SON: variants seen among roughly 807,000 people sequenced by gnomAD.
SON encodes the protein protein SON.
Under a neutral mutation model 173.3 loss-of-function variants are expected in SON, and 4 were observed. That is an observed-to-expected ratio of 0.02 (90% CI 0.01 to 0.05). SON has a LOEUF of 0.05. Among genes scored for constraint, SON ranks in the 10% least tolerant of loss-of-function variants. The pLI is 1.00. For synonymous variants in SON, 1,190 were observed against 1,105.9 expected, an observed-to-expected ratio of 1.08 and a Z score of -1.51; for missense variants, 2,626 against 3,055.3, an observed-to-expected ratio of 0.86 and a Z score of 3.31.
At chr21:33,560,109 A>G (rs199834480) in intron 6 of SON, 5 of 1,612,986 alleles carry the variant, frequency 3.1e-6, no homozygotes, top group East Asian at 2.2e-5. Flanking sequence ...TCAAGGCTCT[A>G]TAGCTCTAGA....
At position 33,568,955 on chromosome 21, in the gene SON, T is replaced by C; in HGVS notation, c.6769-16T>C. ...GTAATTTTACTTAGTTAACTGAGAC[T>C]ACTTCTTTTCTTCAGATTGATGCCT... On this transcript the variant is annotated splice_polypyrimidine_tract_variant and intron_variant, in intron 7 of 11. Transcript: ENST00000356577. 2 of 1,504,028 alleles carry C rather than the reference T, an allele frequency of 1.3e-6. No homozygotes were observed. Among genetic ancestry groups the C allele is most frequent in the East Asian group, 2.3e-5 (1 of 44,404 alleles). 93.2% of individuals were successfully genotyped at this position (1,504,028 alleles called of 1,614,324 possible).
At position 33,543,074 on chromosome 21, in the gene SON, A is replaced by G. The variant is rs573619169; in HGVS notation, c.-19A>G. On this transcript the variant is annotated 5_prime_UTR_variant, in exon 1 of 12. Transcript: ENST00000356577. The stretch of plus-strand genomic sequence containing the variant: ...CTGGAGGACTAGCGAGGAGGAGTTG[A>G]GAGAACGGAGCGGACGCCATGGCGA... The G allele has an allele frequency of 6.2e-6, 10 of 1,613,436 alleles. No homozygotes were observed. The African/African-American group carries it at 9.3e-5, about 15-fold the overall frequency.
chr21:33,576,102 A>G (rs2086394158), intron 11 of SON, among the ~76,000 whole-genome samples: 1 of 152,152 alleles, frequency 6.6e-6, no homozygotes, highest in Non-Finnish European at 1.5e-5. Context: ...AGGGTAAAAT[A>G]TAGTATACAA....
rs935582945 is a variant in SON at position 33,551,315 on chromosome 21, T to C, written c.2084T>C (p.Leu695Ser). 7.4e-6 allele frequency: 12 copies of C among 1,614,068 alleles called. No homozygotes were observed. The highest frequency in any genetic ancestry group is 1.0e-5 in the Non-Finnish European group (12 of 1,179,974). Residue 695 changes from leucine (L) to serine (S), a missense_variant, in exon 3 of 12, where the codon TTA becomes TCA. Transcript: ENST00000356577. The part of the protein sequence containing the change: ...NTVAQELPTT[L>S]VGETSVTVGV... The stretch of plus-strand genomic sequence containing the variant: ...GTAGCACAGGAGCTGCCTACTACAT[T>C]AGTGGGGGAGACTTCTGTAACAGTA...
rs1417714761 is a variant in SON, at chr21:33,576,609, T to A, written c.*185T>A. On this transcript the variant is annotated 3_prime_UTR_variant, in exon 12 of 12. Transcript: ENST00000356577. ...TTTTATAATAATCATTTCAGAATTT[T>A]ACTCTGCATCACAATGTATTTCCTC... 7.1e-6 allele frequency: 5 copies of A among 703,538 alleles called. No individual in the cohort carries two copies. Among genetic ancestry groups the A allele is most frequent in the Admixed American group, 2.0e-5 (1 of 49,680 alleles). The allele number at this position is 703,538 out of a possible 1,614,324, so 43.6% of individuals were successfully genotyped here.
chr21:33,555,718 G>A (rs572338877), intron 3 of SON, among the ~76,000 whole-genome samples: 8 of 152,302 alleles, frequency 5.3e-5, no homozygotes, highest in East Asian at 1.9e-4. Flanking sequence ...AACAAGCTAA[G>A]TATATGCTCA....
rs780734240 is a variant in SON, at chr21:33,552,834, A to G, written c.3603A>G (p.Ser1201=). The G allele has an allele frequency of 1.1e-5, 18 of 1,613,408 alleles. No homozygotes were observed. The highest frequency in any genetic ancestry group is 5.0e-5 in the Admixed American group (3 of 59,956). The part of the protein sequence containing the change: ...AENTWPTEVP[S]SPSEESVSQP... ...ATACTTGGCCTACAGAGGTGCCATC[A>G]TCACCATCTGAAGAGTCTGTATCGC... The change falls in exon 3 of 12, where the codon TCA becomes TCG. Residue 1201 remains serine (S), a synonymous_variant. Transcript: ENST00000356577. This position sits in a 1 kb window ranked among gnomAD's most constrained non-coding sequence, Gnocchi z 5.6.
At chr21:33,560,421 A>C (rs185191238) in intron 6 of SON, 13 of 1,098,782 alleles carry the variant, frequency 1.2e-5, no homozygotes, top group Non-Finnish European at 3.3e-6. Context: ...TACTATTAAA[A>C]GTCGGAGAAG....
At chr21:33,558,480 A>G (rs2086008750) in intron 4 of SON, 1 of 152,192 alleles carries the variant, frequency 6.6e-6, no homozygotes, top group African/African-American at 2.4e-5. Context: ...AAAGCTTCTG[A>G]ATCTGTTTCC....
chr21:33,575,565 A>C, intron 9 of SON, 31 bp from the exon 10 acceptor site: 3 of 1,563,408 alleles, frequency 1.9e-6, no homozygotes, highest in Non-Finnish European at 2.6e-6. Flanking sequence ...GGTGCTTTGA[A>C]ATTTATTTAG....
Position 33,554,849 on chromosome 21 carries a change from G to A in SON, c.5618G>A (p.Ser1873Asn), listed in dbSNP as rs2085924297. The change falls in exon 3 of 12, where the codon AGC becomes AAC. Residue 1873 changes from serine to asparagine, a missense_variant. Ser to Asn is a conservative substitution (Grantham distance 46). This residue lies in a region of SON where 1,006 missense variants were observed against 895.6 expected (regional missense o/e 1.12). Transcript: ENST00000356577. ...SRSRSRRRRR[S>N]SRSRSKSRGR... Reference sequence around the variant, plus strand: ...TCACGTTCAAGACGCAGGAGGAGAAGCAGCAGATCAAGATCAAAGTCTAGA... The same window carrying A: ...TCACGTTCAAGACGCAGGAGGAGAAACAGCAGATCAAGATCAAAGTCTAGA... 3.1e-6 allele frequency: 5 copies of A among 1,614,028 alleles called. No homozygotes were observed. In the South Asian group the frequency reaches 3.3e-5, roughly 11 times the overall value.
In SON at chr21:33,553,573, T is replaced by C. The variant is rs370367458; in HGVS notation, c.4342T>C (p.Ser1448Pro). Residue 1448 changes from serine (S) to proline (P), a missense_variant, in exon 3 of 12, where the codon TCA becomes CCA. Ser to Pro is a moderately conservative substitution (Grantham distance 74). Around this residue, in one of 13 missense-constraint regions of SON, gnomAD observed 1,006 missense variants for 895.6 expected, o/e 1.12. Coordinates refer to ENST00000356577, the MANE Select transcript of SON (RefSeq NM_138927.4). ...VSVQESTVTV[S>P]EPAVTVSEQT... ...TGTCCAGGAATCGACTGTGACAGTTTCAGAGCCTGCTGTCACAGTCTCAGA... is the reference window on the plus strand; with the variant it reads ...TGTCCAGGAATCGACTGTGACAGTTCCAGAGCCTGCTGTCACAGTCTCAGA... 6.2e-6 allele frequency: 10 copies of C among 1,614,086 alleles called. No individual in the cohort carries two copies. The South Asian group carries it at 1.1e-4, about 18-fold the overall frequency.
chr21:33,544,663 G>A (rs1291195846), intron 1 of SON, among the ~76,000 whole-genome samples: 1 of 152,130 alleles, frequency 6.6e-6, no homozygotes. Context: ...CTTCTTCATG[G>A]CTGCATAGAA....
In SON at chr21:33,543,727, A is replaced by G. The variant is rs566928049; in HGVS notation, c.77+558A>G. 4.6e-5 allele frequency among the ~76,000 whole-genome samples: 7 copies of G among 152,370 alleles called. No individual in the cohort carries two copies. In the East Asian group the frequency reaches 1.3e-3, roughly 29 times the overall value. ...ATCTGTCAGCCGTTCTGATAGTTAA[A>G]TGTTTCAATTAAAACGAACTCAAAC... On this transcript the variant is annotated intron_variant, in intron 1 of 11. Coordinates refer to ENST00000356577, the MANE Select transcript of SON (RefSeq NM_138927.4).
chr21:33,559,921 AC>A lies in SON; in HGVS notation c.6657+149del. ...GCCGGGTTAGACGACAGATGAAACA[AC>A]CCGCAGCTTCTCATTTGACAGTAAC... On this transcript the variant is annotated intron_variant, in intron 6 of 11. Transcript: ENST00000356577. The surrounding 1 kb of genome is among the most constrained non-coding windows in gnomAD (Gnocchi z 4.1). 3 of 1,612,874 alleles carry A rather than the reference AC, an allele frequency of 1.9e-6. No homozygotes were observed. The highest frequency in any genetic ancestry group is 2.5e-6 in the Non-Finnish European group (3 of 1,179,030).
At chr21:33,558,037 C>T (rs985918358) in intron 4 of SON, 2 of 163,986 alleles carry the variant, frequency 1.2e-5, no homozygotes, top group African/African-American at 4.8e-5. Context: ...CACACTGTTT[C>T]ATATATTGGA....
At position 33,576,604 on chromosome 21, in the gene SON, A is replaced by C. The variant is rs773447937; in HGVS notation, c.*180A>C. The C allele has an allele frequency of 2.8e-6, 2 of 706,394 alleles. No homozygotes were observed. Among genetic ancestry groups the C allele is most frequent in the South Asian group, 1.5e-5 (1 of 68,244 alleles). The allele number at this position is 706,394 out of a possible 1,614,324, so 43.8% of individuals were successfully genotyped here. A position where few individuals can be genotyped will look rare whatever the true frequency, so the allele number is the denominator to read the frequency against. ...TGAGGTTTTATAATAATCATTTCAG[A>C]ATTTTACTCTGCATCACAATGTATT... On this transcript the variant is annotated 3_prime_UTR_variant, in exon 12 of 12. Coordinates refer to ENST00000356577, the MANE Select transcript of SON (RefSeq NM_138927.4).
intron 8 of SON, among the ~76,000 whole-genome samples, chr21:33,572,847 C>T (rs1342902127): frequency 6.8e-6 from 1 of 148,034 alleles, no homozygotes; most frequent in Non-Finnish European, 1.5e-5. Context: ...GGGAAGAAAA[C>T]TTTGGATGAC....
chr21:33,547,433 TGAAGGATTTAGCCACAAAAATAA>T (rs2085645198), intron 2 of SON, among the ~76,000 whole-genome samples: 1 of 152,160 alleles, frequency 6.6e-6, no homozygotes, highest in Admixed American at 6.5e-5. Flanking sequence ...TGTTTAGAAA[TGAAGGATTTAGCCACAAAAATAA>T]CAGTCATTAC....
Sources: gnomAD v4.1 joint callset for allele counts (sites outside exome capture counted in the v4.1 genomes callset) on GRCh38, gnomAD v4.1.1 for gene constraint, gnomAD v4.1.1 regional missense constraint, Gnocchi (gnomAD v3.1) non-coding constraint, MANE v1.5 for transcripts, NCBI Gene and HGNC (gene_info 2026-07-23, HGNC 2026-07-21) for gene names.